SYNPR: variants seen among roughly 807,000 people sequenced by gnomAD.
SYNPR encodes the protein synaptoporin.
A neutral mutation model predicts 32.9 loss-of-function variants in SYNPR; 23 were observed. The ratio of observed to expected loss-of-function variants is 0.70; its 90% confidence interval spans 0.50 to 0.99. The LOEUF is 0.99. Among genes scored for constraint, SYNPR ranks in the 50% least tolerant of loss-of-function variants. The probability of loss-of-function intolerance (pLI) is 0.00; values close to 1 mark genes in which losing one functional copy is unlikely to be tolerated. For synonymous variants in SYNPR, 146 were observed against 135.9 expected, an observed-to-expected ratio of 1.07 and a Z score of -0.52; for missense variants, 318 against 349.3, an observed-to-expected ratio of 0.91 and a Z score of 0.71.
chr3:63,374,535 C>T (rs950985483), intron 2 of SYNPR, among the ~76,000 whole-genome samples: 1 of 152,122 alleles, frequency 6.6e-6, no homozygotes, highest in East Asian at 1.9e-4. Flanking sequence ...GCCCCTGTGA[C>T]ACACAGTTTA....
At chr3:63,475,149 T>C (rs1700877116) in intron 2 of SYNPR, among the ~76,000 whole-genome samples, 1 of 152,156 alleles carries the variant, frequency 6.6e-6, no homozygotes, top group South Asian at 2.1e-4. Context: ...AGGACAATTT[T>C]GTTCTGTTCC....
intron 3 of SYNPR, among the ~76,000 whole-genome samples, chr3:63,517,074 G>A (rs562037152): frequency 3.5e-4 from 54 of 152,258 alleles, no homozygotes; most frequent in African/African-American, 1.3e-3. Flanking sequence ...CTATATCCAT[G>A]TGATATTGGC....
intron 2 of SYNPR, among the ~76,000 whole-genome samples, chr3:63,344,554 T>TC: frequency 6.7e-6 from 1 of 149,226 alleles, no homozygotes; most frequent in Non-Finnish European, 1.5e-5. Flanking sequence ...AAAAAGATTT[T>TC]TTTTTTTTTT....
At chr3:63,524,585 C>T (rs990118549) in intron 3 of SYNPR, among the ~76,000 whole-genome samples, 1 of 152,036 alleles carries the variant, frequency 6.6e-6, no homozygotes, top group Non-Finnish European at 1.5e-5. Flanking sequence ...TGGTCATGAC[C>T]CTTTCGCCCT....
At chr3:63,554,695 CT>C (rs1257153458) in intron 3 of SYNPR, among the ~76,000 whole-genome samples, 8 of 149,816 alleles carry the variant, frequency 5.3e-5, no homozygotes, top group Admixed American at 5.3e-4. Flanking sequence ...TATTCAGGCT[CT>C]TTTTTTGGGT....
intron 1 of SYNPR, among the ~76,000 whole-genome samples, chr3:63,244,156 C>T (rs1329265604): frequency 6.6e-6 from 1 of 152,068 alleles, no homozygotes. Flanking sequence ...GGCAAGGTCA[C>T]CTGATGGGCT....
chr3:63,288,125 T>C (rs201605214), intron 2 of SYNPR, among the ~76,000 whole-genome samples: 1 of 152,208 alleles, frequency 6.6e-6, no homozygotes, highest in South Asian at 2.1e-4. Context: ...TTATTTTAGT[T>C]TGGACACAAC....
At chr3:63,445,921 T>C (rs1421405463) in intron 2 of SYNPR, among the ~76,000 whole-genome samples, 3 of 152,214 alleles carry the variant, frequency 2.0e-5, no homozygotes, top group African/African-American at 7.2e-5. Flanking sequence ...TCTCAGACTA[T>C]GTCTTTATGA....
intron 3 of SYNPR, among the ~76,000 whole-genome samples, chr3:63,511,148 AGTACTGGGAATCATGGGC>A: frequency 1.7e-5 from 1 of 59,362 alleles, no homozygotes; most frequent in South Asian, 5.4e-4. Flanking sequence ...ATGGACCCTG[AGTACTGGGAATCATGGGC>A]CTAGAAAGGC....
At chr3:63,368,060 G>A (rs1575612533) in intron 2 of SYNPR, among the ~76,000 whole-genome samples, 1 of 152,142 alleles carries the variant, frequency 6.6e-6, no homozygotes, top group East Asian at 1.9e-4. Flanking sequence ...CATTGATTTT[G>A]GCAGCAAGAA....
Position 63,616,392 on chromosome 3 carries a change from A to T in SYNPR, c.*911A>T, listed in dbSNP as rs1428179326. The T allele has an allele frequency of 3.3e-5, 5 of 152,302 alleles. No individual in the cohort carries two copies. Among genetic ancestry groups the T allele is most frequent in the African/African-American group, 9.6e-5 (4 of 41,454 alleles). 9.4% of individuals were successfully genotyped at this position (152,302 alleles called of 1,614,324 possible). A position where few individuals can be genotyped will look rare whatever the true frequency, so the allele number is the denominator to read the frequency against. Reference sequence around the variant, plus strand: ...TTTTCTTAGAATAATGGAGATGCAGATATAGATACCATAGTCAAGGTACCG... The same window carrying T: ...TTTTCTTAGAATAATGGAGATGCAGTTATAGATACCATAGTCAAGGTACCG... On this transcript the variant is annotated 3_prime_UTR_variant, in exon 6 of 6. Transcript: ENST00000478300.
rs191751411 is a variant in SYNPR at position 63,475,971 on chromosome 3, G to C, written c.85-4861G>C. 1.7e-3 allele frequency among the ~76,000 whole-genome samples: 255 copies of C among 151,714 alleles called. 1 individual carries two copies. Among genetic ancestry groups the C allele is most frequent in the Admixed American group, 3.0e-3 (46 of 15,220 alleles). ...AGCAAGGAATACCATGTCTCTTTATGTCTTCCAAGGTCCTCCTTCTAAATT... is the reference window on the plus strand; with the variant it reads ...AGCAAGGAATACCATGTCTCTTTATCTCTTCCAAGGTCCTCCTTCTAAATT... On this transcript the variant is annotated intron_variant, in intron 2 of 5. Transcript: ENST00000478300.
chr3:63,407,159 T>A (rs2088371053), intron 2 of SYNPR, among the ~76,000 whole-genome samples: 1 of 152,204 alleles, frequency 6.6e-6, no homozygotes, highest in Admixed American at 6.5e-5. Context: ...TGCATCTTGA[T>A]TTTCCGTGGA....
At position 63,474,005 on chromosome 3, in the gene SYNPR, T is replaced by G. The variant is rs181701663; in HGVS notation, c.85-6827T>G. 1.5e-3 allele frequency among the ~76,000 whole-genome samples: 230 copies of G among 152,248 alleles called. 2 individuals carry two copies. Among genetic ancestry groups the G allele is most frequent in the Middle Eastern group, 0.01 (3 of 294 alleles). On this transcript the variant is annotated intron_variant, in intron 2 of 5. Transcript: ENST00000478300. ...GACGAGAATTTTGGTTCAATAAGTT[T>G]ATTTGGGGAGCAATGATGGGAAGCA...
intron 1 of SYNPR, among the ~76,000 whole-genome samples, chr3:63,232,820 A>G (rs1414822147): frequency 1.3e-5 from 2 of 152,230 alleles, no homozygotes; most frequent in Non-Finnish European, 2.9e-5. Flanking sequence ...TGATATAGTC[A>G]TTTGATTAAA....
At chr3:63,550,268 G>A (rs1277841560) in intron 3 of SYNPR, among the ~76,000 whole-genome samples, 2 of 150,522 alleles carry the variant, frequency 1.3e-5, no homozygotes, top group African/African-American at 2.4e-5. Flanking sequence ...ACACATATAT[G>A]CCTTTTGCTT....
the SYNPR span, among the ~76,000 whole-genome samples, chr3:63,207,543 T>C: frequency 1.3e-5 from 2 of 152,206 alleles, no homozygotes; most frequent in Non-Finnish European, 2.9e-5. Flanking sequence ...CTTCTTTATA[T>C]GGACTTATCT....
chr3:63,201,050 T>C, the SYNPR span, among the ~76,000 whole-genome samples: 3 of 152,142 alleles, frequency 2.0e-5, no homozygotes, highest in Admixed American at 2.0e-4. Context: ...GTTCTGAAAT[T>C]AGCTACTAAG....
upstream of SYNPR, among the ~76,000 whole-genome samples, chr3:63,275,514 G>C (rs529006880): frequency 1.3e-5 from 2 of 152,190 alleles, no homozygotes; most frequent in Non-Finnish European, 2.9e-5. Flanking sequence ...TAGTCAGAAG[G>C]AACACTGGGT....
Sources: gnomAD v4.1 joint callset for allele counts (sites outside exome capture counted in the v4.1 genomes callset) on GRCh38, gnomAD v4.1.1 for gene constraint, MANE v1.5 for transcripts, NCBI Gene and HGNC (gene_info 2026-07-23, HGNC 2026-07-21) for gene names.